The following LGR5 variants were observed in gnomAD, a reference collection of about 807,000 sequenced individuals.
LGR5 encodes leucine rich repeat containing G protein-coupled receptor 5, also known as leucine-rich repeat-containing G protein-coupled receptor 5.
A neutral mutation model predicts 76.7 loss-of-function variants in LGR5; 54 were observed. The ratio of observed to expected loss-of-function variants is 0.70; its 90% CI spans 0.57 to 0.88. LGR5 has a LOEUF of 0.88. Ranked by LOEUF, LGR5 falls within the 40% of genes least tolerant of loss-of-function variation. The pLI, the probability that LGR5 is intolerant of heterozygous loss-of-function variation, is 0.00. For missense variants in LGR5, 1,078 were observed against 1,073.3 expected (o/e 1.00, Z -0.06); for synonymous variants, 406 against 421.9 (o/e 0.96, Z 0.46).
intron 1 of LGR5, among the ~76,000 whole-genome samples, chr12:71,488,203 T>C (rs901772943): frequency 1.3e-5 from 2 of 152,184 alleles, no homozygotes; most frequent in Admixed American, 1.3e-4. Context: ...GAGTACAAGT[T>C]TGAACATTTT....
In LGR5 at chr12:71,548,841, CA is replaced by C. The variant is rs1278055792; in HGVS notation, c.429-4231del. ...ACACACACACACACACACACACACA[CA>C]CACACACCCTCTGTGACTTGCACAA... is the stretch of plus-strand genomic sequence containing the variant. On this transcript the variant is annotated intron_variant, in intron 4 of 17. Transcript: ENST00000266674. 1.7e-3 allele frequency among the ~76,000 whole-genome samples: 263 copies of C among 152,026 alleles called. 1 individual carries two copies. The highest frequency in any genetic ancestry group is 0.01 in the Middle Eastern group (3 of 294).
chr12:71,570,706 A>G (rs1878570360), intron 11 of LGR5, among the ~76,000 whole-genome samples: 1 of 152,150 alleles, frequency 6.6e-6, no homozygotes, highest in African/African-American at 2.4e-5. Flanking sequence ...TATAAATCCC[A>G]TTTATTCAAT....
chr12:71,569,839 T>C (rs1259201265), intron 11 of LGR5, among the ~76,000 whole-genome samples: 1 of 152,194 alleles, frequency 6.6e-6, no homozygotes. Context: ...AATCATTGTA[T>C]TATAAAGATA....
chr12:71,555,546 C>T (rs1170991703), intron 5 of LGR5, among the ~76,000 whole-genome samples: 1 of 152,212 alleles, frequency 6.6e-6, no homozygotes, highest in African/African-American at 2.4e-5. Context: ...TGACTGAAAT[C>T]ATTGTTTCCT....
chr12:71,584,351 C>T lies in LGR5; in HGVS notation c.2341C>T (p.Pro781Ser). The change falls in exon 18 of 18, where the codon CCT (proline) becomes TCT (serine). Residue 781 changes from proline (P) to serine (S), a missense_variant. Pro to Ser is a moderately conservative substitution (Grantham distance 74, BLOSUM62 -1). Coordinates refer to ENST00000266674, the MANE Select transcript of LGR5 (RefSeq NM_003667.4). ...LLFTNCILNCPVAFLSFSSLI... is the reference protein window; with the variant it reads ...LLFTNCILNCSVAFLSFSSLI... The stretch of plus-strand genomic sequence containing the variant: ...CTTCACCAACTGCATCCTAAACTGC[C>T]CTGTGGCTTTCTTGTCCTTCTCCTC... 2 of 1,614,188 alleles carry T rather than the reference C, an allele frequency of 1.2e-6. No homozygotes were observed. The highest frequency in any genetic ancestry group is 1.7e-6 in the Non-Finnish European group (2 of 1,180,016).
chr12:71,503,558 A>G (rs1007925287), intron 1 of LGR5, among the ~76,000 whole-genome samples: 1 of 152,252 alleles, frequency 6.6e-6, no homozygotes, highest in African/African-American at 2.4e-5. Context: ...TGATAAAAGA[A>G]CCAAGTTATA....
At chr12:71,546,840 AG>A (rs1332712991) in intron 4 of LGR5, among the ~76,000 whole-genome samples, 2 of 152,206 alleles carry the variant, frequency 1.3e-5, no homozygotes, top group Non-Finnish European at 1.5e-5. Context: ...TCTTGTAGGC[AG>A]GTAGCCCAGA....
chr12:71,576,926 C>A (rs994763804), intron 13 of LGR5, among the ~76,000 whole-genome samples: 20 of 152,178 alleles, frequency 1.3e-4, no homozygotes, highest in African/African-American at 4.8e-4. Context: ...GCTTTTCTAC[C>A]TTCCATACGT....
intron 1 of LGR5, among the ~76,000 whole-genome samples, chr12:71,463,924 A>C (rs1010682186): frequency 1.3e-5 from 2 of 152,024 alleles, no homozygotes; most frequent in Non-Finnish European, 2.9e-5. Flanking sequence ...TTTAAACCAA[A>C]AGTTTAAAAG....
rs1158602839 is a variant in LGR5 at position 71,440,031 on chromosome 12, G to C, written c.-50G>C. 1.3e-6 allele frequency: 2 copies of C among 1,563,350 alleles called. No homozygotes were observed. Among genetic ancestry groups the C allele is most frequent in the South Asian group, 1.1e-5 (1 of 90,184 alleles). The stretch of plus-strand genomic sequence containing the variant: ...GGCGCGCCACGGCCCGTAGCAGTCC[G>C]GTGCTGCTCTCCGCCCGCGTCCGGC... On this transcript the variant is annotated 5_prime_UTR_variant, in exon 1 of 18. Transcript: ENST00000266674. The surrounding 1 kb of genome is among the most constrained non-coding windows in gnomAD (Gnocchi z 5.3).
intron 8 of LGR5, among the ~76,000 whole-genome samples, chr12:71,564,881 T>G (rs1442845004): frequency 6.6e-6 from 1 of 151,016 alleles, no homozygotes; most frequent in Non-Finnish European, 1.5e-5. Flanking sequence ...ACACTGTATA[T>G]ATACATATAT....
rs1442706277 is a variant in LGR5 at position 71,586,269 on chromosome 12, A to G, written c.*1535A>G. On this transcript the variant is annotated 3_prime_UTR_variant, in exon 18 of 18. Transcript: ENST00000266674. ...TTCCAAATTTGCTTTTCTATTGGGT[A>G]AAAAATAAATTTGTAATAAAATGTG... The G allele has an allele frequency of 6.6e-6, 1 of 152,194 alleles. No individual in the cohort carries two copies. Among genetic ancestry groups the G allele is most frequent in the Non-Finnish European group, 1.5e-5 (1 of 68,032 alleles). The allele number at this position is 152,194 out of a possible 1,614,324, so 9.4% of individuals were successfully genotyped here. A position where few individuals can be genotyped will look rare whatever the true frequency, so the allele number is the denominator to read the frequency against.
chr12:71,445,515 A>G (rs774478933), intron 1 of LGR5, among the ~76,000 whole-genome samples: 55 of 152,196 alleles, frequency 3.6e-4, no homozygotes, highest in Non-Finnish European at 5.6e-4. Flanking sequence ...AATTTCACCT[A>G]TGGAACTCTA....
chr12:71,455,722 T>A (rs1394681276), intron 1 of LGR5, among the ~76,000 whole-genome samples: 1 of 152,202 alleles, frequency 6.6e-6, no homozygotes, highest in African/African-American at 2.4e-5. Context: ...AAACTTACTT[T>A]AAGCTTTTAA....
At chr12:71,529,300 T>A (rs1216397780) in intron 3 of LGR5, among the ~76,000 whole-genome samples, 1 of 152,056 alleles carries the variant, frequency 6.6e-6, no homozygotes, top group Non-Finnish European at 1.5e-5. Flanking sequence ...CTCGGGAAAC[T>A]TACAATCATG....
chr12:71,457,220 C>T (rs1026604531), intron 1 of LGR5, among the ~76,000 whole-genome samples: 3 of 152,108 alleles, frequency 2.0e-5, no homozygotes, highest in Admixed American at 6.6e-5. Context: ...TTGTCCAAGC[C>T]GCAGTCCCTG....
chr12:71,512,806 A>G (rs12822375), intron 2 of LGR5, among the ~76,000 whole-genome samples: 14,114 of 152,254 alleles, frequency 0.093, 702 homozygotes, highest in Non-Finnish European at 0.11. Context: ...AAGTGCAAGG[A>G]GGCAGCAGGA....
intron 2 of LGR5, among the ~76,000 whole-genome samples, chr12:71,505,984 TACA>T (rs1260090415): frequency 6.6e-6 from 1 of 152,142 alleles, no homozygotes; most frequent in Non-Finnish European, 1.5e-5. Flanking sequence ...TCATGGCTGG[TACA>T]TAATAAATAA....
chr12:71,489,197 A>C (rs965542695), intron 1 of LGR5, among the ~76,000 whole-genome samples: 1 of 152,228 alleles, frequency 6.6e-6, no homozygotes, highest in African/African-American at 2.4e-5. Flanking sequence ...TGGTTTGACA[A>C]GCCACACAAT....
Sources: allele counts gnomAD v4.1 joint callset (sites outside exome capture counted in the v4.1 genomes callset), GRCh38; gene constraint gnomAD v4.1.1; non-coding constraint Gnocchi (gnomAD v3.1); transcripts MANE v1.5; gene names NCBI Gene and HGNC (gene_info 2026-07-23, HGNC 2026-07-21).